The following FOXP1 variants were observed in gnomAD, a reference collection of about 807,000 sequenced individuals.
The protein encoded by FOXP1 is forkhead box P1, also known as forkhead box protein P1.
A neutral mutation model predicts 98.2 loss-of-function variants in FOXP1; 15 were observed. The observed-to-expected ratio is 0.15, with a 90% CI of 0.10 to 0.24. FOXP1 has a LOEUF of 0.24. Among genes scored for constraint, FOXP1 ranks in the 10% least tolerant of loss-of-function variants. The pLI, the probability that FOXP1 is intolerant of heterozygous loss-of-function variation, is 1.00. For synonymous variants in FOXP1, 371 were observed against 314.5 expected (o/e 1.18, Z -1.90); for missense variants, 633 against 848.5 (o/e 0.75, Z 3.15).
chr3:71,416,592 A>G lies in FOXP1; in HGVS notation c.-167-57348T>C, dbSNP rs9853079. Among the ~76,000 whole-genome samples the G allele has an allele frequency of 5.1e-3, 733 of 144,482 alleles. 5 individuals carry two copies. The highest frequency in any genetic ancestry group is 0.014 in the African/African-American group (543 of 38,516). The allele number at this position is 144,482 out of a possible 152,430, so 94.8% of individuals were successfully genotyped here. On this transcript the variant is annotated intron_variant, in intron 3 of 20. Transcript: ENST00000649528. ...CACACACACACACACACACACACAC[A>G]CGCAAAAAAAAATGACGTATGGTCA...
At chr3:71,557,138 G>A (rs2046201364) in intron 2 of FOXP1, among the ~76,000 whole-genome samples, 1 of 152,158 alleles carries the variant, frequency 6.6e-6, no homozygotes, top group African/African-American at 2.4e-5. Context: ...TCTTATGGCA[G>A]AGAGACATAC....
chr3:71,383,089 C>G (rs1332474204), intron 3 of FOXP1, among the ~76,000 whole-genome samples: 3 of 152,204 alleles, frequency 2.0e-5, no homozygotes, highest in Non-Finnish European at 2.9e-5. Flanking sequence ...ATAACACCAT[C>G]AGGAAACTGC....
chr3:71,582,546 G>A, intron 1 of FOXP1: 1 of 985,444 alleles, frequency 1.0e-6, no homozygotes, highest in Non-Finnish European at 1.2e-6. Context: ...GAGGGACGAG[G>A]CGACACGCGC....
intron 2 of FOXP1, among the ~76,000 whole-genome samples, chr3:71,568,973 T>C (rs2047128092): frequency 1.3e-5 from 2 of 152,310 alleles, no homozygotes; most frequent in South Asian, 4.1e-4. Context: ...AAATGCCTCA[T>C]AAGACTTGGA....
intron 17 of FOXP1, among the ~76,000 whole-genome samples, chr3:70,975,619 C>T (rs2037335448): frequency 6.6e-6 from 1 of 152,232 alleles, no homozygotes; most frequent in Non-Finnish European, 1.5e-5. Flanking sequence ...TCCTATAACA[C>T]ATCCTTATCA....
At chr3:71,480,403 A>G (rs753413857) in intron 3 of FOXP1, among the ~76,000 whole-genome samples, 5 of 152,230 alleles carry the variant, frequency 3.3e-5, no homozygotes, top group Admixed American at 2.6e-4. Context: ...CCAGCATACT[A>G]AAGTTTCAAG....
intron 4 of FOXP1, among the ~76,000 whole-genome samples, chr3:71,322,090 T>C (rs1262437787): frequency 6.6e-6 from 1 of 152,216 alleles, no homozygotes; most frequent in Admixed American, 6.5e-5. Context: ...GTGTATAAAC[T>C]ACAAAAGATG....
At chr3:71,350,388 A>G (rs2077699782) in intron 4 of FOXP1, among the ~76,000 whole-genome samples, 1 of 152,150 alleles carries the variant, frequency 6.6e-6, no homozygotes. Flanking sequence ...CTCCCCAATC[A>G]AAACGCACAA....
intron 7 of FOXP1, among the ~76,000 whole-genome samples, chr3:71,094,183 G>C (rs556356251): frequency 3.9e-5 from 6 of 151,908 alleles, no homozygotes; most frequent in African/African-American, 1.4e-4. Flanking sequence ...AGCAGCCATA[G>C]ACAGAAAAAC....
At position 71,581,539 on chromosome 3, in the gene FOXP1, C is replaced by G; in HGVS notation, c.-298+10G>C. 1.0e-6 allele frequency: 1 copy of G among 985,450 alleles called. No individual in the cohort carries two copies. The highest frequency in any genetic ancestry group is 1.2e-6 in the Non-Finnish European group (1 of 829,958). The allele number at this position is 985,450 out of a possible 1,614,324, so 61.0% of individuals were successfully genotyped here. On this transcript the variant is annotated intron_variant, in intron 2 of 20. Transcript: ENST00000649528. ...CCCTGGACCCCGCGCCCGCGGCCGC[C>G]TCGACTTACCCGCGGAGTCCGGGGA...
chr3:71,364,218 G>C (rs1435297317), intron 3 of FOXP1, among the ~76,000 whole-genome samples: 1 of 152,080 alleles, frequency 6.6e-6, no homozygotes, highest in African/African-American at 2.4e-5. Context: ...CTTTTACTTG[G>C]GTCTCCAGGT....
chr3:71,513,457 T>A (rs1186960775), intron 2 of FOXP1, among the ~76,000 whole-genome samples: 1 of 152,148 alleles, frequency 6.6e-6, no homozygotes, highest in Non-Finnish European at 1.5e-5. Flanking sequence ...AACTTCCTGG[T>A]CACAGCCACC....
chr3:71,387,741 T>C (rs904897435), intron 3 of FOXP1, among the ~76,000 whole-genome samples: 21 of 152,334 alleles, frequency 1.4e-4, no homozygotes, highest in African/African-American at 4.8e-4. Flanking sequence ...CTTCAAATGG[T>C]ATTTATTAAG....
chr3:71,458,941 T>C (rs1280308182), intron 3 of FOXP1, among the ~76,000 whole-genome samples: 1 of 152,230 alleles, frequency 6.6e-6, no homozygotes, highest in Non-Finnish European at 1.5e-5. Context: ...TGTAGGAACA[T>C]TATTTATTTT....
intron 5 of FOXP1, among the ~76,000 whole-genome samples, chr3:71,275,376 GC>G (rs2070781146): frequency 6.6e-6 from 1 of 152,086 alleles, no homozygotes; most frequent in South Asian, 2.1e-4. Flanking sequence ...ATGAACACAG[GC>G]CTTTTATCAC....
At chr3:71,291,203 G>A (rs1369546102) in intron 5 of FOXP1, among the ~76,000 whole-genome samples, 2 of 152,146 alleles carry the variant, frequency 1.3e-5, no homozygotes, top group East Asian at 3.8e-4. Flanking sequence ...GCTATATCCA[G>A]CAACACTGTC....
At chr3:71,094,146 C>G (rs1406437333) in intron 7 of FOXP1, among the ~76,000 whole-genome samples, 1 of 152,216 alleles carries the variant, frequency 6.6e-6, no homozygotes, top group Non-Finnish European at 1.5e-5. Context: ...CGCACAGTCT[C>G]TGTCGCACCC....
At chr3:71,393,574 G>C (rs536973622) in intron 3 of FOXP1, among the ~76,000 whole-genome samples, 18 of 152,230 alleles carry the variant, frequency 1.2e-4, no homozygotes, top group African/African-American at 4.1e-4. Flanking sequence ...GTCTTTTCAA[G>C]CTGACATAGC....
At chr3:71,497,598 C>T (rs908377983) in intron 2 of FOXP1, among the ~76,000 whole-genome samples, 1 of 152,136 alleles carries the variant, frequency 6.6e-6, no homozygotes, top group African/African-American at 2.4e-5. Context: ...CTCCATAGTC[C>T]AGAGATTCTT....
Sources: allele counts gnomAD v4.1 joint callset (sites outside exome capture counted in the v4.1 genomes callset), GRCh38; gene constraint gnomAD v4.1.1; transcripts MANE v1.5; gene names NCBI Gene and HGNC (gene_info 2026-07-23, HGNC 2026-07-21).